The following ATP9B variants were observed in gnomAD, a reference collection of about 807,000 sequenced individuals.
ATP9B encodes the protein ATPase phospholipid transporting 9B.
Under a neutral mutation model 146.1 loss-of-function variants are expected in ATP9B, and 110 were observed. The observed-to-expected ratio is 0.75, with a 90% confidence interval of 0.65 to 0.88. The LOEUF is 0.88. ATP9B is among the 40% of genes least tolerant of loss of function. The probability of loss-of-function intolerance (pLI) is 0.00; values close to 1 mark genes in which losing one functional copy is unlikely to be tolerated. For missense variants in ATP9B, 1,499 were observed against 1,496.4 expected (o/e 1.00, Z -0.03); for synonymous variants, 604 against 569.7 (o/e 1.06, Z -0.86).
At chr18:79,355,644 C>T (rs557576101) in intron 25 of ATP9B, among the ~76,000 whole-genome samples, 4 of 149,490 alleles carry the variant, frequency 2.7e-5, no homozygotes, top group East Asian at 3.9e-4. Context: ...GTGGGAGCCC[C>T]GGCCGCTGTA....
chr18:79,184,385 T>C (rs1199462996), intron 8 of ATP9B, among the ~76,000 whole-genome samples: 1 of 152,146 alleles, frequency 6.6e-6, no homozygotes, highest in Non-Finnish European at 1.5e-5. Flanking sequence ...TTTAATTTCA[T>C]GTTATGAGCT....
At chr18:79,198,597 T>C (rs911121528) in intron 9 of ATP9B, among the ~76,000 whole-genome samples, 11 of 152,306 alleles carry the variant, frequency 7.2e-5, no homozygotes, top group Non-Finnish European at 7.3e-5. Flanking sequence ...CTAGGTTATA[T>C]GGTGTAGCCT....
intron 13 of ATP9B, 104 bp from the exon 14 acceptor site, chr18:79,303,500 C>T: frequency 1.2e-6 from 1 of 803,188 alleles, no homozygotes; most frequent in Non-Finnish European, 2.1e-6. Context: ...GGCATCCCAG[C>T]TGCTTCAGCC....
intron 6 of ATP9B, among the ~76,000 whole-genome samples, chr18:79,150,978 G>C (rs1339441732): frequency 6.6e-6 from 1 of 152,172 alleles, no homozygotes. Flanking sequence ...GACAGTTCAT[G>C]CCCATGGTTA....
Position 79,345,892 on chromosome 18 carries a change from C to T in ATP9B, c.2682+53C>T, listed in dbSNP as rs115489573. The T allele has an allele frequency of 3.4e-4, 535 of 1,588,908 alleles. 5 individuals carry two copies. The African/African-American group carries it at 6.2e-3, about 18-fold the overall frequency. On this transcript the variant is annotated intron_variant, in intron 23 of 29. Transcript: ENST00000426216. ...AGCACACAGTCAGCACACATCAACA[C>T]GACTCAGCACATGCTGGGCCACTGT...
chr18:79,167,788 G>T (rs2094998068), intron 7 of ATP9B, among the ~76,000 whole-genome samples: 2 of 152,250 alleles, frequency 1.3e-5, no homozygotes, highest in African/African-American at 4.8e-5. Context: ...GCCCGGCCCC[G>T]AGGCTTCAGG....
intron 29 of ATP9B, among the ~76,000 whole-genome samples, chr18:79,376,588 C>A (rs1055020993): frequency 7.2e-5 from 11 of 152,074 alleles, no homozygotes; most frequent in African/African-American, 2.2e-4. Context: ...CAAGGTTTCC[C>A]CATGTTGGCC....
chr18:79,262,023 G>A (rs1331968288), intron 12 of ATP9B, among the ~76,000 whole-genome samples: 8 of 152,004 alleles, frequency 5.3e-5, no homozygotes, highest in South Asian at 2.1e-4. Flanking sequence ...CACGCCCCAC[G>A]CTGCTGTGTG....
At chr18:79,350,862 A>T (rs2096918969) in intron 25 of ATP9B, among the ~76,000 whole-genome samples, 1 of 149,682 alleles carries the variant, frequency 6.7e-6, no homozygotes, top group Non-Finnish European at 1.5e-5. Flanking sequence ...TCTGCCTCCT[A>T]GGTTCAAGTG....
chr18:79,117,742 A>C (rs1220291325), intron 4 of ATP9B: 1 of 152,206 alleles, frequency 6.6e-6, no homozygotes, highest in Non-Finnish European at 1.5e-5. Context: ...AGAATTTTGA[A>C]AGTTGTTGTT....
chr18:79,234,193 GTTTA>G (rs2095817943), intron 11 of ATP9B, among the ~76,000 whole-genome samples: 1 of 152,192 alleles, frequency 6.6e-6, no homozygotes, highest in African/African-American at 2.4e-5. Flanking sequence ...ATAGAGGGCA[GTTTA>G]TTTAGACGAG....
At chr18:79,073,754 T>A (rs1216636262) in intron 1 of ATP9B, among the ~76,000 whole-genome samples, 4 of 152,208 alleles carry the variant, frequency 2.6e-5, no homozygotes, top group African/African-American at 9.7e-5. Context: ...TCCAGTGAGG[T>A]TTTATTTCTG....
At chr18:79,228,537 C>T (rs974346362) in intron 11 of ATP9B, among the ~76,000 whole-genome samples, 17 of 152,180 alleles carry the variant, frequency 1.1e-4, no homozygotes, top group African/African-American at 4.1e-4. Flanking sequence ...TAGAAATAAA[C>T]ACAGTCTTTA....
At chr18:79,348,601 G>A (rs1354907857) in intron 25 of ATP9B, among the ~76,000 whole-genome samples, 1 of 152,272 alleles carries the variant, frequency 6.6e-6, no homozygotes, top group Non-Finnish European at 1.5e-5. Context: ...AGAACAGGAA[G>A]TGCAGGGACA....
At chr18:79,245,758 G>A (rs564604190) in intron 11 of ATP9B, among the ~76,000 whole-genome samples, 51 of 147,166 alleles carry the variant, frequency 3.5e-4, no homozygotes, top group Middle Eastern at 3.9e-3. Flanking sequence ...ACTGAGGAGG[G>A]CACCGCCCTA....
At chr18:79,286,698 G>C (rs563963341) in intron 13 of ATP9B, among the ~76,000 whole-genome samples, 1 of 152,002 alleles carries the variant, frequency 6.6e-6, no homozygotes, top group Non-Finnish European at 1.5e-5. Flanking sequence ...TCTTGTGCCA[G>C]TTTTCAAAGG....
intron 12 of ATP9B, among the ~76,000 whole-genome samples, chr18:79,258,705 AT>A: frequency 6.6e-6 from 1 of 152,284 alleles, no homozygotes; most frequent in South Asian, 2.1e-4. Context: ...ATGTTCAGTC[AT>A]GCTTGGAGAG....
chr18:79,245,603 G>GGAGGGCACCACCCTAATGACTGTGCA (rs2095939990), intron 11 of ATP9B, among the ~76,000 whole-genome samples: 1 of 96,384 alleles, frequency 1.0e-5, no homozygotes, highest in Non-Finnish European at 2.5e-5. Context: ...ATGACTGTGC[G>GGAGGGCACCACCCTAATGACTGTGCA]GAGGGTACCA....
chr18:79,281,825 A>T (rs2096380311), intron 13 of ATP9B, among the ~76,000 whole-genome samples: 2 of 152,222 alleles, frequency 1.3e-5, no homozygotes, highest in Admixed American at 1.3e-4. Flanking sequence ...GGAGTTCAAG[A>T]CCAGCCTGAC....
Sources: gnomAD v4.1 joint callset for allele counts (sites outside exome capture counted in the v4.1 genomes callset) on GRCh38, gnomAD v4.1.1 for gene constraint, MANE v1.5 for transcripts, NCBI Gene and HGNC (gene_info 2026-07-23, HGNC 2026-07-21) for gene names.